FBP2: variants seen among roughly 807,000 people sequenced by gnomAD.
FBP2 encodes the protein fructose-1,6-bisphosphatase isozyme 2.
A neutral mutation model predicts 31.6 loss-of-function variants in FBP2; 27 were observed. The ratio of observed to expected loss-of-function variants is 0.85; its 90% confidence interval spans 0.63 to 1.18. The LOEUF is 1.18. Among genes scored for constraint, FBP2 ranks in the 50% most tolerant of loss-of-function variants. FBP2 has a pLI of 0.00. For missense variants in FBP2, 421 were observed against 436.1 expected (o/e 0.97, Z 0.31); for synonymous variants, 168 against 179.8 (o/e 0.93, Z 0.53).
At chr9:94,580,611 G>C (rs1827365016) in intron 3 of FBP2, among the ~76,000 whole-genome samples, 1 of 152,144 alleles carries the variant, frequency 6.6e-6, no homozygotes, top group African/African-American at 2.4e-5. Context: ...CAATTGTTTT[G>C]AGCCTTTTAA....
chr9:94,560,711 A>G (rs970974860), intron 6 of FBP2, among the ~76,000 whole-genome samples: 9 of 146,794 alleles, frequency 6.1e-5, no homozygotes, highest in African/African-American at 7.5e-5. Flanking sequence ...TTTATATGTT[A>G]TTATATATTA....
chr9:94,559,372 A>G (rs571891601), intron 6 of FBP2, among the ~76,000 whole-genome samples: 1 of 152,228 alleles, frequency 6.6e-6, no homozygotes, highest in South Asian at 2.1e-4. Context: ...CCATGTATCT[A>G]CCCATCTTGT....
rs73531436 is a variant in FBP2, at chr9:94,571,543, G to A, written c.486C>T (p.Ala162=). 2,683 of 1,613,814 alleles carry A rather than the reference G, an allele frequency of 1.7e-3. 51 individuals are homozygous for A. In the African/African-American group the frequency reaches 0.031, roughly 19 times the overall value. The change falls in exon 4 of 7, where the codon GCC becomes GCT. Residue 162 remains alanine, a synonymous_variant. Transcript: ENST00000375337. ...DALQCGRNIV[A]AGYALYGSAT... is the part of the protein sequence containing the mutation. ...CACTACCGTACAGCGCATAACCTGC[G>A]GCCACAATATTGCGGCCACACTGCA... is the stretch of plus-strand genomic sequence containing the variant.
rs1331721487 is a variant in FBP2, at chr9:94,558,792, G to A, written c.*146C>T. ...ATCGCCTGTGGCTTCCAAACCTGTC[G>A]TAAGCAGTTTGTTGTTGCTCTTCTG... On this transcript the variant is annotated 3_prime_UTR_variant, in exon 7 of 7. Transcript: ENST00000375337. 11 of 732,418 alleles carry A rather than the reference G, an allele frequency of 1.5e-5. No individual in the cohort carries two copies. Among genetic ancestry groups the A allele is most frequent in the East Asian group, 8.3e-5 (3 of 36,102 alleles). The allele number at this position is 732,418 out of a possible 1,614,324, so 45.4% of individuals were successfully genotyped here.
In FBP2 at chr9:94,590,962, T is replaced by C. The variant is rs576296700; in HGVS notation, c.170+2595A>G. ...AGAGCAGCTAGATACAGAGTGTCGA[T>C]TGGTGCACTCACAAACCTTGAGCTA... On this transcript the variant is annotated intron_variant, in intron 1 of 6. Coordinates refer to ENST00000375337, the MANE Select transcript of FBP2 (RefSeq NM_003837.4). 6.8e-3 allele frequency among the ~76,000 whole-genome samples: 1,041 copies of C among 152,198 alleles called. 4 individuals carry two copies. The highest frequency in any genetic ancestry group is 0.024 in the African/African-American group (999 of 41,532).
intron 3 of FBP2, among the ~76,000 whole-genome samples, chr9:94,574,063 A>C (rs923552366): frequency 2.0e-5 from 3 of 152,184 alleles, no homozygotes; most frequent in African/African-American, 4.8e-5. Context: ...CGTTTCATCT[A>C]AGTTGTCAAA....
At chr9:94,567,507 G>A in intron 4 of FBP2, 100 bp from the exon 5 acceptor site, 2 of 1,410,480 alleles carry the variant, frequency 1.4e-6, no homozygotes, top group Admixed American at 1.9e-5. Context: ...GGGGCCTGCT[G>A]GCAGAGCTGG....
rs372197408 is a variant in FBP2, at chr9:94,587,307, C to T, written c.333G>A (p.Arg111=). The T allele has an allele frequency of 1.1e-5, 18 of 1,608,340 alleles. No homozygotes were observed. The African/African-American group carries it at 2.3e-4, about 20-fold the overall frequency. The part of the protein sequence containing the change: ...KDAIITAKEK[R]GKYVVCFDPL... Reference sequence around the variant, plus strand: ...CGGGCACCGCAGCCCCATGACGCACCCGCTTCTCCTTGGCGGTGATGATGG... The same window carrying T: ...CGGGCACCGCAGCCCCATGACGCACTCGCTTCTCCTTGGCGGTGATGATGG... Residue 111 remains arginine, a splice_region_variant and synonymous_variant, in exon 2 of 7, where the codon CGG becomes CGA. Transcript: ENST00000375337.
intron 1 of FBP2, among the ~76,000 whole-genome samples, chr9:94,589,170 A>T (rs1222400711): frequency 6.6e-6 from 1 of 151,776 alleles, no homozygotes; most frequent in East Asian, 1.9e-4. Flanking sequence ...CGTATCCTTC[A>T]TGTGTCCACC....
At chr9:94,584,788 A>T (rs1367711527) in intron 2 of FBP2, 119 bp from the exon 3 acceptor site, 3 of 669,632 alleles carry the variant, frequency 4.5e-6, no homozygotes, top group East Asian at 2.7e-5. Flanking sequence ...GAACCACAGC[A>T]TATCTTTATC....
intron 6 of FBP2, among the ~76,000 whole-genome samples, chr9:94,560,011 G>A (rs113962593): frequency 0.011 from 1,627 of 152,268 alleles, 7 homozygotes; most frequent in Non-Finnish European, 0.016. Flanking sequence ...TGTGATCCCA[G>A]CTATTCAGGA....
intron 3 of FBP2, among the ~76,000 whole-genome samples, chr9:94,578,844 G>A (rs1259701484): frequency 6.6e-6 from 1 of 151,756 alleles, no homozygotes; most frequent in South Asian, 2.1e-4. Flanking sequence ...ACAAGGTCAG[G>A]AGATCGAGAC....
At chr9:94,579,370 C>T (rs1037890819) in intron 3 of FBP2, among the ~76,000 whole-genome samples, 3 of 143,118 alleles carry the variant, frequency 2.1e-5, no homozygotes, top group Non-Finnish European at 4.5e-5. Context: ...CGCACTCCAG[C>T]CTGGGCGACA....
intron 4 of FBP2, chr9:94,569,284 G>A (rs918927778): frequency 5.9e-5 from 9 of 152,266 alleles, no homozygotes; most frequent in Admixed American, 2.0e-4. Context: ...GCCATGTTGC[G>A]AGACCACTGC....
At chr9:94,564,167 C>T (rs1226818947) in intron 5 of FBP2, among the ~76,000 whole-genome samples, 2 of 152,186 alleles carry the variant, frequency 1.3e-5, no homozygotes, top group African/African-American at 4.8e-5. Context: ...CACCCAAAAC[C>T]AGAAAAATAT....
chr9:94,567,203 C>T (rs915508652), intron 5 of FBP2, 67 bp downstream of exon 5: 3 of 1,568,708 alleles, frequency 1.9e-6, no homozygotes, highest in African/African-American at 1.4e-5. Flanking sequence ...CCCCTGAAGC[C>T]ACCACCCAAA....
At chr9:94,584,506 G>A (rs753997653) in intron 3 of FBP2, 71 bp downstream of exon 3, 11 of 1,004,996 alleles carry the variant, frequency 1.1e-5, no homozygotes, top group East Asian at 2.4e-5. Flanking sequence ...CCAAACACAC[G>A]GTTTTCAGCC....
At chr9:94,570,879 G>T (rs1278053899) in intron 4 of FBP2, 1 of 152,198 alleles carries the variant, frequency 6.6e-6, no homozygotes, top group Non-Finnish European at 1.5e-5. Context: ...CCGCTGTCTG[G>T]AGTGGTGCTT....
intron 3 of FBP2, among the ~76,000 whole-genome samples, chr9:94,572,133 A>T (rs1028076571): frequency 6.6e-6 from 1 of 152,074 alleles, no homozygotes; most frequent in Non-Finnish European, 1.5e-5. Context: ...GACTCTGTGG[A>T]TGCTCCTTCT....
Sources: allele counts gnomAD v4.1 joint callset (sites outside exome capture counted in the v4.1 genomes callset), GRCh38; gene constraint gnomAD v4.1.1; transcripts MANE v1.5; gene names NCBI Gene and HGNC (gene_info 2026-07-23, HGNC 2026-07-21).